Variants in ESCO2 observed in about 807,000 individuals in gnomAD.
ESCO2 encodes the protein N-acetyltransferase ESCO2.
ESCO2 carries 51 observed loss-of-function variants against 61.7 expected under a neutral mutation model. The observed-to-expected ratio is 0.83, with a 90% CI of 0.66 to 1.04. The LOEUF (loss-of-function observed/expected upper bound fraction) is 1.04, where lower values mean the gene tolerates loss of function less well. Ranked by LOEUF, ESCO2 falls within the 50% of genes least tolerant of loss-of-function variation. The pLI is 0.00. For missense variants in ESCO2, 692 were observed against 686.2 expected (o/e 1.01, Z -0.09); for synonymous variants, 230 against 238.2 (o/e 0.97, Z 0.32).
In ESCO2 at chr8:27,799,622, G is replaced by A. The variant is rs889219861; in HGVS notation, c.1579G>A (p.Val527Ile). Residue 527 changes from valine (V) to isoleucine (I), a missense_variant, in exon 10 of 11, where the codon GTA (valine) becomes ATA (isoleucine). Physicochemically the swap from Val to Ile is conservative, Grantham distance 29. Coordinates refer to ENST00000305188, the MANE Select transcript of ESCO2 (RefSeq NM_001017420.3). The part of the protein sequence containing the change: ...ECPRAWQCSD[V>I]PEPAVCGISR... ...TCCTAGGGCTTGGCAATGTTCAGAT[G>A]TACCAGAACCTGCAGTCTGTGGGAT... The A allele has an allele frequency of 1.4e-5, 22 of 1,613,820 alleles. No individual in the cohort carries two copies. The highest frequency in any genetic ancestry group is 2.7e-5 in the African/African-American group (2 of 74,836).
chr8:27,818,625 CATTG>C, the ESCO2 span, among the ~76,000 whole-genome samples: 1 of 152,016 alleles, frequency 6.6e-6, no homozygotes, highest in Non-Finnish European at 1.5e-5. Flanking sequence ...ATCTGTTTCT[CATTG>C]ATTACTAATA....
At chr8:27,776,074 A>G (rs1191797131) in intron 2 of ESCO2, among the ~76,000 whole-genome samples, 2 of 152,252 alleles carry the variant, frequency 1.3e-5, no homozygotes, top group Non-Finnish European at 2.9e-5. Flanking sequence ...TAATTTATAT[A>G]TGGCCAACAC....
intron 2 of ESCO2, 26 bp from the exon 3 acceptor site, chr8:27,776,336 T>G: frequency 6.4e-7 from 1 of 1,572,036 alleles, no homozygotes; most frequent in Non-Finnish European, 8.7e-7. Flanking sequence ...AATAATCTTA[T>G]CAATGGACTT....
intron 10 of ESCO2, among the ~76,000 whole-genome samples, 178 bp from the exon 11 acceptor site, chr8:27,803,128 C>G (rs563131608): frequency 1.3e-5 from 2 of 152,148 alleles, no homozygotes; most frequent in South Asian, 2.1e-4. Context: ...TTTTCTGGAC[C>G]TTAGTTTTCC....
chr8:27,787,368 C>T (rs528438447), intron 5 of ESCO2, among the ~76,000 whole-genome samples: 62 of 151,070 alleles, frequency 4.1e-4, no homozygotes, highest in Middle Eastern at 3.4e-3. Context: ...TAGTGAGATG[C>T]TGCTTTTGGT....
chr8:27,785,207 C>A (rs1805011475), intron 5 of ESCO2, among the ~76,000 whole-genome samples: 1 of 152,224 alleles, frequency 6.6e-6, no homozygotes, highest in Non-Finnish European at 1.5e-5. Flanking sequence ...TGGCTTGCAG[C>A]CTCACATCCT....
chr8:27,779,818 C>T (rs191794413), intron 3 of ESCO2: 64 of 223,960 alleles, frequency 2.9e-4, no homozygotes, highest in African/African-American at 1.4e-3. Context: ...CTGCAGGTGC[C>T]ACCACGCCCA....
intron 4 of ESCO2, among the ~76,000 whole-genome samples, chr8:27,782,278 CTT>C (rs771332798): frequency 2.6e-5 from 4 of 152,068 alleles, no homozygotes; most frequent in Non-Finnish European, 5.9e-5. Flanking sequence ...ATTTTTTTCT[CTT>C]TGAGACAGAG....
downstream of ESCO2, chr8:27,810,245 A>T: frequency 8.9e-7 from 1 of 1,124,120 alleles, no homozygotes; most frequent in Non-Finnish European, 1.3e-6. Flanking sequence ...GATAGTAACT[A>T]TGTAAATATT....
At chr8:27,777,210 A>G (rs1228242136) in intron 3 of ESCO2, 41 bp downstream of exon 3, 8 of 1,551,614 alleles carry the variant, frequency 5.2e-6, no homozygotes, top group Middle Eastern at 1.8e-4. Context: ...CTGTATAACA[A>G]AACTTCAGTA....
the ESCO2 span, among the ~76,000 whole-genome samples, chr8:27,819,152 G>A: frequency 6.6e-6 from 1 of 152,056 alleles, no homozygotes; most frequent in Non-Finnish European, 1.5e-5. Flanking sequence ...CTTTCATCGA[G>A]TTTTCCCAGC....
intron 9 of ESCO2, among the ~76,000 whole-genome samples, chr8:27,796,945 A>G (rs1205342237): frequency 2.0e-5 from 3 of 151,916 alleles, no homozygotes. Context: ...ACATAGTGAG[A>G]CCCTGTCTTT....
chr8:27,797,456 A>C (rs552785075), intron 9 of ESCO2, among the ~76,000 whole-genome samples: 1 of 152,060 alleles, frequency 6.6e-6, no homozygotes, highest in Non-Finnish European at 1.5e-5. Context: ...CTTTCAGTCT[A>C]TGTGAGTCTT....
intron 7 of ESCO2, among the ~76,000 whole-genome samples, chr8:27,791,391 C>G (rs866089469): frequency 1.3e-5 from 2 of 152,234 alleles, no homozygotes; most frequent in African/African-American, 4.8e-5. Flanking sequence ...AACCACCTTC[C>G]CCATTATGCT....
intron 9 of ESCO2, among the ~76,000 whole-genome samples, chr8:27,793,553 C>G (rs11780294): frequency 0.013 from 1,956 of 148,168 alleles, 20 homozygotes; most frequent in Non-Finnish European, 0.022. Context: ...GTGGCACGAT[C>G]TCGCCTCACC....
rs1041982476 is a variant in ESCO2, at chr8:27,792,607, A to G, written c.1354-61A>G. 26 of 1,503,000 alleles carry G rather than the reference A, an allele frequency of 1.7e-5. No individual in the cohort carries two copies. In the African/African-American group the frequency reaches 3.5e-4, roughly 20 times the overall value. 93.1% of individuals were successfully genotyped at this position (1,503,000 alleles called of 1,614,324 possible). A position where few individuals can be genotyped will look rare whatever the true frequency, so the allele number is the denominator to read the frequency against. On this transcript the variant is annotated intron_variant, in intron 8 of 10. Coordinates refer to ENST00000305188, the MANE Select transcript of ESCO2 (RefSeq NM_001017420.3). ...AATCATACATTCTGTGTATATAAAT[A>G]TGTATAGTTTCTATTGTACTTTTTA...
chr8:27,772,283 T>A (rs568773569), upstream of ESCO2, among the ~76,000 whole-genome samples: 37 of 152,228 alleles, frequency 2.4e-4, no homozygotes, highest in Admixed American at 6.5e-4. Flanking sequence ...GATACAAACA[T>A]AGCAGTGGCA....
At chr8:27,811,796 T>C (rs1563487235), downstream of ESCO2, among the ~76,000 whole-genome samples, 1 of 152,198 alleles carries the variant, frequency 6.6e-6, no homozygotes, top group Non-Finnish European at 1.5e-5. Context: ...CTCCACTTAG[T>C]TATATCTTAC....
Position 27,777,069 on chromosome 8 carries a change from C to T in ESCO2, c.761C>T (p.Thr254Ile), listed in dbSNP as rs897825817. Residue 254 changes from threonine to isoleucine, a missense_variant, in exon 3 of 11, where the codon ACT becomes ATT. Coordinates refer to ENST00000305188, the MANE Select transcript of ESCO2 (RefSeq NM_001017420.3). ...SDVETVSEKK[T>I]FATRQVPKCL... ...GTAGAGACTGTCAGTGAAAAAAAAACTTTTGCGACAAGGCAAGTGCCAAAG... is the reference window on the plus strand; with the variant it reads ...GTAGAGACTGTCAGTGAAAAAAAAATTTTTGCGACAAGGCAAGTGCCAAAG... 2.5e-6 allele frequency: 4 copies of T among 1,605,466 alleles called. No individual in the cohort carries two copies. Among genetic ancestry groups the T allele is most frequent in the East Asian group, 2.2e-5 (1 of 44,840 alleles).
Sources: allele counts gnomAD v4.1 joint callset (sites outside exome capture counted in the v4.1 genomes callset), GRCh38; gene constraint gnomAD v4.1.1; transcripts MANE v1.5; gene names NCBI Gene and HGNC (gene_info 2026-07-23, HGNC 2026-07-21).